The following RBFOX1 variants were observed in gnomAD, a reference collection of about 807,000 sequenced individuals.
RBFOX1 encodes RNA binding protein fox-1 homolog 1.
In RBFOX1, 8 loss-of-function variants were observed where a neutral mutation model predicts 57.7. The observed-to-expected ratio is 0.14, with a 90% confidence interval of 0.08 to 0.25. The LOEUF (loss-of-function observed/expected upper bound fraction) is 0.25. Ranked by LOEUF, RBFOX1 falls within the 10% of genes least tolerant of loss-of-function variation. RBFOX1 has a pLI of 1.00. For synonymous variants in RBFOX1, 326 were observed against 222.4 expected (o/e 1.47, Z -4.15); for missense variants, 611 against 548.5 (o/e 1.11, Z -1.14).
chr16:7,112,378 A>ATTT (rs5815373), intron 4 of RBFOX1, among the ~76,000 whole-genome samples: 172 of 139,348 alleles, frequency 1.2e-3, no homozygotes, highest in East Asian at 5.1e-3. Context: ...AATTTTTTGT[A>ATTT]TTTTTTTTTT....
intron 3 of RBFOX1, among the ~76,000 whole-genome samples, chr16:6,802,482 G>T (rs1424049070): frequency 6.6e-6 from 1 of 152,134 alleles, no homozygotes; most frequent in African/African-American, 2.4e-5. Flanking sequence ...TTTGAGACCA[G>T]CCTGACCAAT....
At position 6,767,948 on chromosome 16, in the gene RBFOX1, AAGAAGAAGAAG is replaced by A. The variant is rs1253146341; in HGVS notation, c.-16+113300_-16+113310del. Among the ~76,000 whole-genome samples, 43 of 48,774 alleles carry A rather than the reference AAGAAGAAGAAG, an allele frequency of 8.8e-4. No individual in the cohort carries two copies. The East Asian group carries it at 0.018, about 21-fold the overall frequency. 32.0% of individuals were successfully genotyped at this position (48,774 alleles called of 152,430 possible). On this transcript the variant is annotated intron_variant, in intron 3 of 15. Transcript: ENST00000550418. ...TAATAATAATAATAATAATAATAAT[AAGAAGAAGAAG>A]AAGAAGAAGAAGAAGAAGAAGAAGA...
chr16:5,774,461 G>A (rs762528267), intron 3 of RBFOX1, among the ~76,000 whole-genome samples: 5 of 152,214 alleles, frequency 3.3e-5, no homozygotes, highest in East Asian at 1.9e-4. Context: ...TCAACACGTA[G>A]TTCAAAATTT....
chr16:6,166,409 T>TG (rs965370188), intron 1 of RBFOX1, among the ~76,000 whole-genome samples: 2 of 142,748 alleles, frequency 1.4e-5, no homozygotes, highest in Admixed American at 6.9e-5. Flanking sequence ...GGGGCGGGGT[T>TG]GGGGGGGAAT....
chr16:7,588,663 A>G (rs1232460909), intron 7 of RBFOX1, among the ~76,000 whole-genome samples: 1 of 152,192 alleles, frequency 6.6e-6, no homozygotes, highest in African/African-American at 2.4e-5. Context: ...GCAAGTCGGT[A>G]TCACGGAGGG....
rs547833335 is a variant in RBFOX1, at chr16:7,168,460, C to T, written c.27+116362C>T. Among the ~76,000 whole-genome samples, 7 of 152,220 alleles carry T rather than the reference C, an allele frequency of 4.6e-5. No individual in the cohort carries two copies. In the East Asian group the frequency reaches 1.4e-3, roughly 29 times the overall value. Reference sequence around the variant, plus strand: ...CATGTGAATTCGTGAACCTCATTGGCGAGCTCAAAGAGGTGGCTATAGGAA... The same window carrying T: ...CATGTGAATTCGTGAACCTCATTGGTGAGCTCAAAGAGGTGGCTATAGGAA... On this transcript the variant is annotated intron_variant, in intron 4 of 15. Transcript: ENST00000550418.
At chr16:5,791,406 G>A (rs763334279) in intron 3 of RBFOX1, among the ~76,000 whole-genome samples, 9 of 152,094 alleles carry the variant, frequency 5.9e-5, no homozygotes, top group African/African-American at 1.9e-4. Context: ...ACATGCAATC[G>A]CTTTTTAATT....
At chr16:6,784,018 A>G (rs908789572) in intron 3 of RBFOX1, among the ~76,000 whole-genome samples, 1 of 151,874 alleles carries the variant, frequency 6.6e-6, no homozygotes, top group Non-Finnish European at 1.5e-5. Context: ...AAACATTTGG[A>G]CTTCTTTATA....
intron 3 of RBFOX1, among the ~76,000 whole-genome samples, chr16:6,739,402 A>G (rs80223149): frequency 0.039 from 5,918 of 152,194 alleles, 161 homozygotes; most frequent in Admixed American, 0.054. Context: ...ACAAACTGCA[A>G]TTCACCCAAT....
At chr16:7,079,555 G>A (rs2058837234) in intron 4 of RBFOX1, among the ~76,000 whole-genome samples, 1 of 152,144 alleles carries the variant, frequency 6.6e-6, no homozygotes, top group South Asian at 2.1e-4. Flanking sequence ...TAGAGGTGGT[G>A]TCACATCTGT....
intron 4 of RBFOX1, among the ~76,000 whole-genome samples, chr16:7,293,881 T>C (rs2095841813): frequency 6.6e-6 from 1 of 152,102 alleles, no homozygotes; most frequent in South Asian, 2.1e-4. Context: ...CTTTGACCTG[T>C]GTTCCAGGAT....
At position 5,527,545 on chromosome 16, in the gene RBFOX1, C is replaced by T. The variant is rs186906136; in HGVS notation, c.258+60291C>T. Reference sequence around the variant, plus strand: ...AAGAAGTAATTTTCTGTGTTTGAGCCACTGAATATGTAGGGGCTTGTTTGT... The same window carrying T: ...AAGAAGTAATTTTCTGTGTTTGAGCTACTGAATATGTAGGGGCTTGTTTGT... On this transcript the variant is annotated intron_variant, in intron 2 of 2. Transcript: ENST00000585867. Among the ~76,000 whole-genome samples the T allele has an allele frequency of 2.3e-3, 349 of 152,224 alleles. 3 individuals carry two copies. Among genetic ancestry groups the T allele is most frequent in the African/African-American group, 8.1e-3 (336 of 41,540 alleles).
chr16:6,288,359 T>A (rs555547526), intron 1 of RBFOX1, among the ~76,000 whole-genome samples: 75 of 152,260 alleles, frequency 4.9e-4, no homozygotes, highest in African/African-American at 1.7e-3. Context: ...AGATTCAGAT[T>A]TGGAAGTTCT....
chr16:7,471,098 T>G (rs1438549118), intron 4 of RBFOX1, among the ~76,000 whole-genome samples: 3 of 152,174 alleles, frequency 2.0e-5, no homozygotes, highest in Non-Finnish European at 2.9e-5. Context: ...CCAGTCTCTC[T>G]ATAAAGATAA....
intron 1 of RBFOX1, among the ~76,000 whole-genome samples, chr16:5,347,383 T>A (rs2151307234): frequency 6.6e-6 from 1 of 152,286 alleles, no homozygotes; most frequent in South Asian, 2.1e-4. Context: ...ACTTTGTTCT[T>A]CTGTGAAATG....
intron 5 of RBFOX1, among the ~76,000 whole-genome samples, chr16:7,523,751 G>A (rs3785271): frequency 6.6e-6 from 1 of 152,074 alleles, no homozygotes; most frequent in Non-Finnish European, 1.5e-5. Flanking sequence ...CTCGTTTTTT[G>A]TTACAAACAA....
At position 5,633,154 on chromosome 16, in the gene RBFOX1, G is replaced by C. The variant is rs543823964; in HGVS notation, c.318+34193G>C. On this transcript the variant is annotated intron_variant, in intron 3 of 19. Coordinates refer to the RBFOX1 transcript ENST00000641259. Reference sequence around the variant, plus strand: ...GAATTTCGCCATATTGGCCAGGCTGGTCTCGAACTCCTGACCTCGTGATCC... The same window carrying C: ...GAATTTCGCCATATTGGCCAGGCTGCTCTCGAACTCCTGACCTCGTGATCC... Among the ~76,000 whole-genome samples the C allele has an allele frequency of 2.0e-5, 3 of 152,096 alleles. No homozygotes were observed. In the East Asian group the frequency reaches 5.8e-4, roughly 30 times the overall value.
At chr16:6,986,595 A>G (rs1358153187) in intron 3 of RBFOX1, among the ~76,000 whole-genome samples, 2 of 152,134 alleles carry the variant, frequency 1.3e-5, no homozygotes, top group African/African-American at 2.4e-5. Context: ...CCTGGCCCAG[A>G]ATCACCAGTT....
intron 1 of RBFOX1, among the ~76,000 whole-genome samples, chr16:6,201,762 A>C (rs1327323693): frequency 2.0e-5 from 3 of 152,230 alleles, no homozygotes; most frequent in Admixed American, 6.5e-5. Context: ...GCCTGCCTGT[A>C]TCAAAACATC....
Sources: gnomAD v4.1 joint callset for allele counts (sites outside exome capture counted in the v4.1 genomes callset) on GRCh38, gnomAD v4.1.1 for gene constraint, MANE v1.5 for transcripts, NCBI Gene and HGNC (gene_info 2026-07-23, HGNC 2026-07-21) for gene names.